Variants in FAM135B observed in about 807,000 individuals in gnomAD.
FAM135B encodes the protein family with sequence similarity 135 member B.
In FAM135B, 43 loss-of-function variants were observed where a neutral mutation model predicts 127.7. That is an observed-to-expected ratio of 0.34 (90% CI 0.26 to 0.43). FAM135B has a LOEUF of 0.43. FAM135B is among the 20% of genes least tolerant of loss of function. The probability of loss-of-function intolerance (pLI) is 1.00; values close to 1 mark genes in which losing one functional copy is unlikely to be tolerated. For synonymous variants in FAM135B, 670 were observed against 665.1 expected, an observed-to-expected ratio of 1.01 and a Z score of -0.11; for missense variants, 1,558 against 1,725.6, an observed-to-expected ratio of 0.90 and a Z score of 1.72.
intron 1 of FAM135B, among the ~76,000 whole-genome samples, chr8:138,376,316 A>T (rs1175150402): frequency 1.3e-5 from 2 of 151,906 alleles, no homozygotes; most frequent in Non-Finnish European, 2.9e-5. Flanking sequence ...TAGCTCCTCA[A>T]ATTCAACTTC....
intron 12 of FAM135B, among the ~76,000 whole-genome samples, chr8:138,156,726 A>C (rs1200651676): frequency 7.9e-5 from 12 of 152,120 alleles, no homozygotes; most frequent in Admixed American, 2.0e-4. Context: ...GGACACATAC[A>C]CCCTCCCAAG....
At chr8:138,256,588 G>T in intron 5 of FAM135B, 101 bp downstream of exon 5, 1 of 937,578 alleles carries the variant, frequency 1.1e-6, no homozygotes, top group Non-Finnish European at 1.7e-6. Flanking sequence ...GCTGATCTGA[G>T]AGACGTTCTG....
intron 1 of FAM135B, among the ~76,000 whole-genome samples, chr8:138,468,113 T>C (rs1419745513): frequency 6.6e-6 from 1 of 152,240 alleles, no homozygotes; most frequent in African/African-American, 2.4e-5. Flanking sequence ...GTATTCATCA[T>C]GCCTTTCTTC....
At chr8:138,342,066 C>A in intron 2 of FAM135B, among the ~76,000 whole-genome samples, 1 of 152,324 alleles carries the variant, frequency 6.6e-6, no homozygotes, top group East Asian at 1.9e-4. Flanking sequence ...GCTAGAAACA[C>A]CTACTAGGCG....
At chr8:138,374,360 A>G (rs1204718884) in intron 1 of FAM135B, among the ~76,000 whole-genome samples, 1 of 152,248 alleles carries the variant, frequency 6.6e-6, no homozygotes, top group Non-Finnish European at 1.5e-5. Flanking sequence ...GTAGAGTATT[A>G]AAAATGTTCT....
chr8:138,362,916 T>A (rs1244394652), intron 2 of FAM135B, among the ~76,000 whole-genome samples: 3 of 152,066 alleles, frequency 2.0e-5, no homozygotes, highest in African/African-American at 7.2e-5. Flanking sequence ...TGGGAATGAG[T>A]AGATGACCAA....
intron 8 of FAM135B, among the ~76,000 whole-genome samples, chr8:138,196,839 T>C (rs1816669890): frequency 6.6e-6 from 1 of 152,188 alleles, no homozygotes; most frequent in Admixed American, 6.5e-5. Flanking sequence ...CAGCACAGGA[T>C]CCCTGAGCTG....
chr8:138,322,071 T>G (rs1827486404), intron 2 of FAM135B, among the ~76,000 whole-genome samples: 1 of 152,176 alleles, frequency 6.6e-6, no homozygotes, highest in Non-Finnish European at 1.5e-5. Flanking sequence ...TTCCCAAGGA[T>G]TCAAAACTTG....
chr8:138,274,452 C>T (rs952602990), intron 3 of FAM135B, among the ~76,000 whole-genome samples: 7 of 152,148 alleles, frequency 4.6e-5, no homozygotes, highest in Non-Finnish European at 1.0e-4. Context: ...CAAGTGGAGG[C>T]AGGGCGAGAT....
intron 1 of FAM135B, among the ~76,000 whole-genome samples, chr8:138,412,879 G>C (rs1180662368): frequency 6.6e-6 from 1 of 152,076 alleles, no homozygotes; most frequent in Non-Finnish European, 1.5e-5. Context: ...TTTGCTTCCT[G>C]ACTCTCTCTC....
chr8:138,432,184 T>C (rs115257712), intron 1 of FAM135B, among the ~76,000 whole-genome samples: 1 of 152,296 alleles, frequency 6.6e-6, no homozygotes, highest in African/African-American at 2.4e-5. Flanking sequence ...GTGTCTGATA[T>C]GAAAGTGATT....
At chr8:138,400,697 T>C (rs1442126066) in intron 1 of FAM135B, among the ~76,000 whole-genome samples, 1 of 152,134 alleles carries the variant, frequency 6.6e-6, no homozygotes, top group Non-Finnish European at 1.5e-5. Flanking sequence ...GGGAATGTGC[T>C]ACCTTTCAAG....
At chr8:138,394,168 C>A (rs888001530) in intron 1 of FAM135B, among the ~76,000 whole-genome samples, 1 of 152,176 alleles carries the variant, frequency 6.6e-6, no homozygotes. Flanking sequence ...GGGACATACC[C>A]TCATATCAAT....
chr8:138,379,232 C>T (rs571278146), intron 1 of FAM135B, among the ~76,000 whole-genome samples: 72 of 152,254 alleles, frequency 4.7e-4, no homozygotes, highest in Middle Eastern at 3.4e-3. Context: ...GGCTTCAGGG[C>T]TGCCAAATCT....
chr8:138,402,610 C>A lies in FAM135B; in HGVS notation c.-19-34608G>T, dbSNP rs140710571. On this transcript the variant is annotated intron_variant, in intron 1 of 19. Transcript: ENST00000395297. Reference sequence around the variant, plus strand: ...TGCTCCCTGTTGAAGATGATAAAACCAAGATACAAAGAGAGTAAATAACTT... The same window carrying A: ...TGCTCCCTGTTGAAGATGATAAAACAAAGATACAAAGAGAGTAAATAACTT... Among the ~76,000 whole-genome samples, 3 of 152,216 alleles carry A rather than the reference C, an allele frequency of 2.0e-5. No individual in the cohort carries two copies. The East Asian group carries it at 5.8e-4, about 29-fold the overall frequency.
chr8:138,228,251 A>AT (rs55990840), intron 7 of FAM135B, among the ~76,000 whole-genome samples: 26,928 of 151,180 alleles, frequency 0.18, 2,804 homozygotes, highest in Non-Finnish European at 0.24. Context: ...ATGGGGTAAT[A>AT]TTTTTTTTTA....
chr8:138,285,337 G>A (rs980114239), intron 3 of FAM135B, among the ~76,000 whole-genome samples: 74 of 151,944 alleles, frequency 4.9e-4, no homozygotes, highest in Admixed American at 7.2e-4. Context: ...AGTAGAGACA[G>A]GGTTTCACCA....
chr8:138,490,323 T>C (rs564389960), intron 1 of FAM135B, among the ~76,000 whole-genome samples: 1 of 152,274 alleles, frequency 6.6e-6, no homozygotes, highest in Admixed American at 6.5e-5. Context: ...TAGGAGGGAC[T>C]CAAGATCTAG....
chr8:138,181,188 C>A (rs1814998164), intron 9 of FAM135B, among the ~76,000 whole-genome samples: 1 of 152,086 alleles, frequency 6.6e-6, no homozygotes. Flanking sequence ...TTGCAGTGAG[C>A]CGAGATCGCA....
Sources: gnomAD v4.1 joint callset for allele counts (sites outside exome capture counted in the v4.1 genomes callset) on GRCh38, gnomAD v4.1.1 for gene constraint, MANE v1.5 for transcripts, NCBI Gene and HGNC (gene_info 2026-07-23, HGNC 2026-07-21) for gene names.